Variants in ANKRD45 observed in about 807,000 individuals in gnomAD.
The protein encoded by ANKRD45 is ankyrin repeat domain 45.
A neutral mutation model predicts 28.1 loss-of-function variants in ANKRD45; 21 were observed. The observed-to-expected ratio is 0.75, with a 90% CI of 0.53 to 1.08. The LOEUF (loss-of-function observed/expected upper bound fraction) is 1.08. Among genes scored for constraint, ANKRD45 ranks in the 50% least tolerant of loss-of-function variants. The pLI, the probability that ANKRD45 is intolerant of heterozygous loss-of-function variation, is 0.00. For synonymous variants in ANKRD45, 86 were observed against 103.9 expected (o/e 0.83, Z 1.05); for missense variants, 261 against 308.7 (o/e 0.85, Z 1.16).
chr1:173,657,741 G>A (rs1669609007), intron 2 of ANKRD45: 1 of 146,670 alleles, frequency 6.8e-6, no homozygotes, highest in Non-Finnish European at 1.5e-5. Flanking sequence ...GAGATTTTAA[G>A]TGTGAGCCTC....
chr1:173,637,823 C>T (rs906486060), intron 3 of ANKRD45, among the ~76,000 whole-genome samples: 2 of 152,202 alleles, frequency 1.3e-5, no homozygotes, highest in African/African-American at 4.8e-5. Flanking sequence ...CCGTTCCCAA[C>T]AATTTGGTGG....
At chr1:173,635,516 A>G in intron 3 of ANKRD45, 1 of 1,495,686 alleles carries the variant, frequency 6.7e-7, no homozygotes, top group Non-Finnish European at 8.9e-7. Flanking sequence ...CAATTGACAA[A>G]GAAGGATGTC....
chr1:173,700,883 G>A, the ANKRD45 span, among the ~76,000 whole-genome samples: 36 of 152,276 alleles, frequency 2.4e-4, no homozygotes, highest in Non-Finnish European at 3.2e-4. Flanking sequence ...GAGTGAACAG[G>A]CAACCTACAG....
chr1:173,650,377 T>C (rs1270509546), intron 2 of ANKRD45, among the ~76,000 whole-genome samples: 2 of 152,190 alleles, frequency 1.3e-5, no homozygotes, highest in East Asian at 1.9e-4. Context: ...TTATGATAGT[T>C]TGCTGAGAAT....
chr1:173,707,293 T>C, the ANKRD45 span, among the ~76,000 whole-genome samples: 2 of 152,060 alleles, frequency 1.3e-5, no homozygotes, highest in Admixed American at 1.3e-4. Context: ...AATTAATCAA[T>C]CTTTTTGCTT....
the ANKRD45 span, among the ~76,000 whole-genome samples, chr1:173,712,803 T>C: frequency 6.6e-6 from 1 of 152,196 alleles, no homozygotes; most frequent in South Asian, 2.1e-4. Context: ...TGAAAATAAA[T>C]AAATTAGTGC....
chr1:173,636,468 T>G (rs530256885), intron 3 of ANKRD45, among the ~76,000 whole-genome samples: 6 of 152,322 alleles, frequency 3.9e-5, no homozygotes, highest in Admixed American at 1.3e-4. Context: ...AATGTTTTCT[T>G]ATTTTTAAAA....
In ANKRD45 at chr1:173,667,294, T is replaced by TCAAG. The variant is rs1670065333; in HGVS notation, c.-16+2519_-16+2522dup. Among the ~76,000 whole-genome samples the TCAAG allele has an allele frequency of 3.3e-5, 5 of 152,328 alleles. No homozygotes were observed. In the South Asian group the frequency reaches 1.0e-3, roughly 32 times the overall value. On this transcript the variant is annotated intron_variant, in intron 1 of 5. Coordinates refer to ENST00000333279, the MANE Select transcript of ANKRD45 (RefSeq NM_198493.3). ...TGCCATTTTCCATTATGTTACAATA[T>TCAAG]CAAGCATGGGTAAAAGATCCAAAGT...
At chr1:173,684,448 G>A in the ANKRD45 span, among the ~76,000 whole-genome samples, 3 of 152,110 alleles carry the variant, frequency 2.0e-5, no homozygotes, top group East Asian at 1.9e-4. Context: ...ATTAAGTGCT[G>A]TTTCAATGAG....
At chr1:173,613,324 C>G (rs1419902319) in intron 5 of ANKRD45, among the ~76,000 whole-genome samples, 1 of 151,794 alleles carries the variant, frequency 6.6e-6, no homozygotes, top group African/African-American at 2.4e-5. Flanking sequence ...GCAGCCGCCC[C>G]GTCTGAGAAG....
intron 2 of ANKRD45, among the ~76,000 whole-genome samples, chr1:173,648,708 C>T (rs973401714): frequency 6.6e-6 from 1 of 152,184 alleles, no homozygotes; most frequent in Admixed American, 6.5e-5. Flanking sequence ...TATTCCCACA[C>T]ATTGGAAAAT....
At chr1:173,637,947 A>G (rs561345289) in intron 3 of ANKRD45, among the ~76,000 whole-genome samples, 2 of 152,278 alleles carry the variant, frequency 1.3e-5, no homozygotes, top group South Asian at 4.1e-4. Flanking sequence ...TACCCGGAGC[A>G]AGGAATATAG....
chr1:173,670,813 A>C (rs1013388093), upstream of ANKRD45, among the ~76,000 whole-genome samples: 5 of 152,252 alleles, frequency 3.3e-5, no homozygotes, highest in Admixed American at 1.3e-4. Flanking sequence ...GGTTATCAGC[A>C]GCTTCCCCAT....
chr1:173,693,705 G>A, the ANKRD45 span, among the ~76,000 whole-genome samples: 1 of 152,180 alleles, frequency 6.6e-6, no homozygotes, highest in Non-Finnish European at 1.5e-5. Context: ...CCAATTATAT[G>A]GATATAAAGA....
chr1:173,670,418 T>G (rs1355414915), upstream of ANKRD45, among the ~76,000 whole-genome samples: 2 of 152,176 alleles, frequency 1.3e-5, no homozygotes, highest in Non-Finnish European at 2.9e-5. Flanking sequence ...AGCAATTATA[T>G]CAATGTTCAC....
chr1:173,613,042 C>G (rs1043642414), intron 5 of ANKRD45, among the ~76,000 whole-genome samples: 1 of 152,078 alleles, frequency 6.6e-6, no homozygotes, highest in Non-Finnish European at 1.5e-5. Flanking sequence ...GCGTCTCTGC[C>G]TGGCCGCCCA....
chr1:173,700,311 G>GA, the ANKRD45 span, among the ~76,000 whole-genome samples: 3 of 152,100 alleles, frequency 2.0e-5, no homozygotes, highest in Non-Finnish European at 4.4e-5. Context: ...CACAGAATTG[G>GA]AAAAAACTAC....
chr1:173,638,437 G>A (rs1396425261), intron 3 of ANKRD45, among the ~76,000 whole-genome samples: 1 of 152,130 alleles, frequency 6.6e-6, no homozygotes, highest in African/African-American at 2.4e-5. Context: ...AGGGCAAGAA[G>A]CCTCTAGTAG....
Position 173,659,152 on chromosome 1 carries a change from T to G in ANKRD45, c.267A>C (p.Gln89His), listed in dbSNP as rs1456182643. 1 of 1,614,050 alleles carries G rather than the reference T, an allele frequency of 6.2e-7. No homozygotes were observed. Among genetic ancestry groups the G allele is most frequent in the East Asian group, 2.2e-5 (1 of 44,896 alleles). ...TTGCCAAAGCTCTAATCACGTCACTTTGCCCAGCCATGCAAGCTGCATACA... is the reference window on the plus strand; with the variant it reads ...TTGCCAAAGCTCTAATCACGTCACTGTGCCCAGCCATGCAAGCTGCATACA... ...NLLYAACMAGQSDVIRALAKY... is the reference protein window; with the variant it reads ...NLLYAACMAGHSDVIRALAKY... The change falls in exon 2 of 6, where the codon CAA becomes CAC. Residue 89 changes from glutamine to histidine, a missense_variant. Physicochemically the swap from Gln to His is conservative, Grantham distance 24. Coordinates refer to ENST00000333279, the MANE Select transcript of ANKRD45 (RefSeq NM_198493.3).
Sources: allele counts gnomAD v4.1 joint callset (sites outside exome capture counted in the v4.1 genomes callset), GRCh38; gene constraint gnomAD v4.1.1; transcripts MANE v1.5; gene names NCBI Gene and HGNC (gene_info 2026-07-23, HGNC 2026-07-21).